Variants in LARGE1 observed in about 807,000 individuals in gnomAD.
LARGE1 encodes LARGE xylosyl- and glucuronyltransferase 1.
Under a neutral mutation model 87.6 loss-of-function variants are expected in LARGE1, and 43 were observed. That is an observed-to-expected ratio of 0.49 (90% CI 0.38 to 0.63). The LOEUF is 0.63. Ranked by LOEUF, LARGE1 falls within the 30% of genes least tolerant of loss-of-function variation. The pLI, the probability that LARGE1 is intolerant of heterozygous loss-of-function variation, is 0.00. For missense variants in LARGE1, 802 were observed against 1,000.2 expected, an observed-to-expected ratio of 0.80 and a Z score of 2.67; for synonymous variants, 434 against 394.6, an observed-to-expected ratio of 1.10 and a Z score of -1.18.
At chr22:33,150,559 A>G in the LARGE1 span, among the ~76,000 whole-genome samples, 5 of 152,334 alleles carry the variant, frequency 3.3e-5, no homozygotes, top group Middle Eastern at 3.4e-3. Context: ...AGAGATTAAG[A>G]CATGGTCATC....
chr22:33,913,800 G>A (rs968850806), intron 1 of LARGE1, among the ~76,000 whole-genome samples: 1 of 151,798 alleles, frequency 6.6e-6, no homozygotes, highest in East Asian at 1.9e-4. Context: ...CACCTGCCTC[G>A]GCTTCCCAAA....
chr22:33,842,665 G>C (rs1253669219), intron 1 of LARGE1, among the ~76,000 whole-genome samples: 2 of 152,110 alleles, frequency 1.3e-5, no homozygotes, highest in African/African-American at 2.4e-5. Flanking sequence ...ATTCAGCCCA[G>C]CACTGCCCAA....
At chr22:33,754,253 G>A (rs2084424995) in intron 2 of LARGE1, among the ~76,000 whole-genome samples, 1 of 152,126 alleles carries the variant, frequency 6.6e-6, no homozygotes, top group Non-Finnish European at 1.5e-5. Context: ...ATTCAGAGCA[G>A]CCCACTTGCA....
intron 11 of LARGE1, among the ~76,000 whole-genome samples, chr22:33,183,693 T>A (rs1270722682): frequency 6.6e-6 from 1 of 151,482 alleles, no homozygotes; most frequent in African/African-American, 2.4e-5. Context: ...TGTGATGGCA[T>A]CGATTGCTCT....
At chr22:33,684,383 A>AC in intron 2 of LARGE1, among the ~76,000 whole-genome samples, 1 of 152,032 alleles carries the variant, frequency 6.6e-6, no homozygotes, top group South Asian at 2.1e-4. Flanking sequence ...TGTGATTTAT[A>AC]CCCTTCGCAC....
At chr22:33,115,317 G>A in the LARGE1 span, among the ~76,000 whole-genome samples, 2 of 152,038 alleles carry the variant, frequency 1.3e-5, no homozygotes, top group Admixed American at 6.6e-5. Flanking sequence ...AGTGGCTCAC[G>A]GCTGTAATCC....
chr22:33,159,819 C>A (rs1356222033), downstream of LARGE1, among the ~76,000 whole-genome samples: 2 of 151,624 alleles, frequency 1.3e-5, no homozygotes, highest in Non-Finnish European at 2.9e-5. Context: ...GATCTCCTGA[C>A]CTTATGATCC....
chr22:33,104,292 C>T, the LARGE1 span, among the ~76,000 whole-genome samples: 3 of 152,156 alleles, frequency 2.0e-5, no homozygotes, highest in Non-Finnish European at 4.4e-5. Flanking sequence ...AAAATCAACA[C>T]AGAGCAAGAG....
the LARGE1 span, among the ~76,000 whole-genome samples, chr22:33,139,151 C>T: frequency 6.6e-6 from 1 of 152,082 alleles, no homozygotes; most frequent in Non-Finnish European, 1.5e-5. Flanking sequence ...CCAATTAAAC[C>T]CTTTTCCTTT....
intron 11 of LARGE1, among the ~76,000 whole-genome samples, chr22:33,200,892 T>A (rs1419541867): frequency 1.3e-5 from 2 of 152,158 alleles, no homozygotes; most frequent in Admixed American, 6.5e-5. Flanking sequence ...GTGGTGATGA[T>A]CATCACAGCT....
intron 3 of LARGE1, among the ~76,000 whole-genome samples, chr22:33,646,452 A>C (rs539019009): frequency 6.6e-6 from 1 of 152,134 alleles, no homozygotes; most frequent in Admixed American, 6.5e-5. Context: ...GGGCAAGGGG[A>C]GGGAGAGCAC....
chr22:33,129,162 T>C, the LARGE1 span, among the ~76,000 whole-genome samples: 1 of 152,198 alleles, frequency 6.6e-6, no homozygotes, highest in Admixed American at 6.5e-5. Context: ...CACTACACAT[T>C]CTATTATTCC....
At chr22:33,810,295 T>G (rs1249634147) in intron 1 of LARGE1, among the ~76,000 whole-genome samples, 1 of 152,220 alleles carries the variant, frequency 6.6e-6, no homozygotes, top group African/African-American at 2.4e-5. Flanking sequence ...AACCAAGGAC[T>G]GGCTGAACCC....
the LARGE1 span, among the ~76,000 whole-genome samples, chr22:33,135,224 T>C: frequency 6.6e-6 from 1 of 152,182 alleles, no homozygotes; most frequent in Non-Finnish European, 1.5e-5. Context: ...CCCCTCTGCC[T>C]GTAGCTGAGT....
Position 33,381,931 on chromosome 22 carries a change from C to T in LARGE1, c.1119G>A (p.Val373=). 1 of 1,614,132 alleles carries T rather than the reference C, an allele frequency of 6.2e-7. No individual in the cohort carries two copies. The highest frequency in any genetic ancestry group is 8.5e-7 in the Non-Finnish European group (1 of 1,180,016). ...HTRSEQCYRD[V]SDLKVIHWNS... ...GTGTTGACCCTACCTTTAGATCAGA[C>T]ACGTCTCTGTAGCACTGCTCGGAGC... is the stretch of plus-strand genomic sequence containing the variant. Residue 373 remains valine, a synonymous_variant, in exon 9 of 15, where the codon GTG becomes GTA. Coordinates refer to ENST00000397394, the MANE Select transcript of LARGE1 (RefSeq NM_133642.5).
chr22:33,708,747 T>C (rs1603216810), intron 2 of LARGE1, among the ~76,000 whole-genome samples: 1 of 152,190 alleles, frequency 6.6e-6, no homozygotes, highest in East Asian at 1.9e-4. Flanking sequence ...ATTGCAGGCA[T>C]GTGCTACCAC....
At chr22:33,354,506 T>C (rs551110997) in intron 9 of LARGE1, among the ~76,000 whole-genome samples, 45 of 152,378 alleles carry the variant, frequency 3.0e-4, no homozygotes, top group Admixed American at 1.2e-3. Context: ...GTTGTTTCAC[T>C]GAAAAGTCAC....
intron 6 of LARGE1, among the ~76,000 whole-genome samples, chr22:33,556,245 G>A (rs2148725615): frequency 6.6e-6 from 1 of 152,198 alleles, no homozygotes; most frequent in South Asian, 2.1e-4. Flanking sequence ...TCTGAGACCA[G>A]CCTGGCTTCA....
chr22:33,139,183 A>G, the LARGE1 span, among the ~76,000 whole-genome samples: 3 of 152,164 alleles, frequency 2.0e-5, no homozygotes, highest in Non-Finnish European at 2.9e-5. Context: ...AGTCTTGGGT[A>G]TGTCTTTATC....
Sources: allele counts gnomAD v4.1 joint callset (sites outside exome capture counted in the v4.1 genomes callset), GRCh38; gene constraint gnomAD v4.1.1; transcripts MANE v1.5; gene names NCBI Gene and HGNC (gene_info 2026-07-23, HGNC 2026-07-21).